OSBPL1A: variants seen among roughly 807,000 people sequenced by gnomAD.
OSBPL1A encodes the protein oxysterol-binding protein-related protein 1.
OSBPL1A carries 80 observed loss-of-function variants against 137.1 expected under a neutral mutation model. The observed-to-expected ratio is 0.58, with a 90% CI of 0.49 to 0.70. The LOEUF is 0.70. Among genes scored for constraint, OSBPL1A ranks in the 30% least tolerant of loss-of-function variants. The probability of loss-of-function intolerance (pLI) is 0.00; values close to 1 mark genes in which losing one functional copy is unlikely to be tolerated. For synonymous variants in OSBPL1A, 365 were observed against 389.7 expected (o/e 0.94, Z 0.75); for missense variants, 970 against 1,129.4 (o/e 0.86, Z 2.02).
intron 15 of OSBPL1A, among the ~76,000 whole-genome samples, chr18:24,274,642 T>A (rs1022583022): frequency 6.6e-6 from 1 of 152,180 alleles, no homozygotes; most frequent in Admixed American, 6.5e-5. Flanking sequence ...GCGTGGTGGC[T>A]GAAGCCTGTA....
intron 15 of OSBPL1A, among the ~76,000 whole-genome samples, chr18:24,255,543 T>C (rs1323860242): frequency 1.3e-5 from 2 of 152,026 alleles, no homozygotes; most frequent in African/African-American, 4.8e-5. Context: ...ATGAAACCAT[T>C]TGTCTCTTAT....
At chr18:24,223,643 T>C (rs1407236072) in intron 17 of OSBPL1A, among the ~76,000 whole-genome samples, 1 of 152,276 alleles carries the variant, frequency 6.6e-6, no homozygotes, top group East Asian at 1.9e-4. Flanking sequence ...TGTATGAATA[T>C]GGTATAATAT....
intron 11 of OSBPL1A, among the ~76,000 whole-genome samples, chr18:24,316,299 C>A (rs995370316): frequency 6.6e-6 from 1 of 151,838 alleles, no homozygotes; most frequent in Non-Finnish European, 1.5e-5. Flanking sequence ...ACCAAACCCA[C>A]AATTACCTGA....
At chr18:24,179,345 A>C (rs1305479497) in intron 20 of OSBPL1A, 1 of 164,922 alleles carries the variant, frequency 6.1e-6, no homozygotes, top group African/African-American at 2.4e-5. Flanking sequence ...AGGTTAAATG[A>C]CGAGTTAATG....
At chr18:24,267,075 A>C (rs929718656) in intron 15 of OSBPL1A, among the ~76,000 whole-genome samples, 6 of 151,792 alleles carry the variant, frequency 4.0e-5, no homozygotes, top group Non-Finnish European at 8.8e-5. Context: ...ATTTATTTGG[A>C]GATATCCAAG....
Position 24,317,401 on chromosome 18 carries a change from C to G in OSBPL1A, c.733-1G>C. The G allele has an allele frequency of 6.2e-7, 1 of 1,612,116 alleles. No homozygotes were observed. Among genetic ancestry groups the G allele is most frequent in the Non-Finnish European group, 8.5e-7 (1 of 1,178,490 alleles). ...ATCTCCAGCCAAAAAATCTTGAACTCTAAGGGAAAAATAACAAAGATTTCC... is the reference window on the plus strand; with the variant it reads ...ATCTCCAGCCAAAAAATCTTGAACTGTAAGGGAAAAATAACAAAGATTTCC... On this transcript the variant is annotated splice_acceptor_variant, in intron 9 of 27. Coordinates refer to ENST00000319481, the MANE Select transcript of OSBPL1A (RefSeq NM_080597.4). LOFTEE classifies it high-confidence loss of function.
chr18:24,164,710 G>C (rs1444821729), intron 27 of OSBPL1A, among the ~76,000 whole-genome samples: 1 of 152,036 alleles, frequency 6.6e-6, no homozygotes, highest in East Asian at 1.9e-4. Flanking sequence ...TTACAGACGT[G>C]AGCCACTGCA....
At chr18:24,207,142 G>A (rs186321358) in intron 17 of OSBPL1A, among the ~76,000 whole-genome samples, 2 of 152,312 alleles carry the variant, frequency 1.3e-5, no homozygotes, top group East Asian at 1.9e-4. Flanking sequence ...GGAGTGCAGC[G>A]GTGCGATCTT....
At chr18:24,229,219 A>G (rs2088190063) in intron 16 of OSBPL1A, among the ~76,000 whole-genome samples, 1 of 152,292 alleles carries the variant, frequency 6.6e-6, no homozygotes, top group Admixed American at 6.5e-5. Flanking sequence ...AAAGGTAGGT[A>G]GCGGGAAGAA....
intron 4 of OSBPL1A, among the ~76,000 whole-genome samples, chr18:24,347,149 T>C (rs2091360012): frequency 6.6e-6 from 1 of 152,120 alleles, no homozygotes; most frequent in South Asian, 2.1e-4. Context: ...TCAACAGAAA[T>C]ACCACATGAA....
chr18:24,389,568 T>C (rs1568071590), intron 1 of OSBPL1A, among the ~76,000 whole-genome samples: 1 of 152,204 alleles, frequency 6.6e-6, no homozygotes, highest in Non-Finnish European at 1.5e-5. Context: ...CCAAGGGCGA[T>C]GACTTGTTAA....
intron 2 of OSBPL1A, among the ~76,000 whole-genome samples, chr18:24,369,738 T>C (rs1005095240): frequency 6.6e-6 from 1 of 152,228 alleles, no homozygotes; most frequent in Non-Finnish European, 1.5e-5. Context: ...GTGTGTGTCC[T>C]GTGGAACCCC....
chr18:24,338,666 G>A (rs2091222781), intron 5 of OSBPL1A, among the ~76,000 whole-genome samples: 2 of 151,960 alleles, frequency 1.3e-5, no homozygotes, highest in African/African-American at 2.4e-5. Flanking sequence ...CTCTTTCTAG[G>A]GTAAAACATT....
intron 4 of OSBPL1A, among the ~76,000 whole-genome samples, chr18:24,348,350 G>A (rs993933866): frequency 1.3e-5 from 2 of 152,010 alleles, no homozygotes; most frequent in African/African-American, 4.8e-5. Flanking sequence ...CTGTTCTAAA[G>A]TTTTACTTTT....
intron 12 of OSBPL1A, among the ~76,000 whole-genome samples, chr18:24,313,477 G>A (rs537530183): frequency 2.0e-5 from 3 of 151,678 alleles, no homozygotes; most frequent in Non-Finnish European, 2.9e-5. Context: ...CATAAGTATT[G>A]GTCAAGTAAA....
At chr18:24,192,425 G>A (rs534656767) in intron 18 of OSBPL1A, among the ~76,000 whole-genome samples, 2 of 152,268 alleles carry the variant, frequency 1.3e-5, no homozygotes, top group South Asian at 2.1e-4. Context: ...CTCAGGAGCC[G>A]GAGATTTGTT....
At chr18:24,376,524 G>C (rs1397445678) in intron 2 of OSBPL1A, among the ~76,000 whole-genome samples, 1 of 152,262 alleles carries the variant, frequency 6.6e-6, no homozygotes, top group Non-Finnish European at 1.5e-5. Flanking sequence ...TCACCCAGTG[G>C]ATCCCGCACT....
intron 4 of OSBPL1A, among the ~76,000 whole-genome samples, chr18:24,356,447 A>C (rs960376445): frequency 6.6e-6 from 1 of 152,102 alleles, no homozygotes; most frequent in African/African-American, 2.4e-5. Context: ...ACACCAAGAG[A>C]TCCAAAATGT....
intron 17 of OSBPL1A, among the ~76,000 whole-genome samples, chr18:24,215,618 C>G (rs927126173): frequency 6.6e-6 from 1 of 152,086 alleles, no homozygotes; most frequent in Non-Finnish European, 1.5e-5. Context: ...CAAAGAACTC[C>G]GTGTCCCCTG....
Sources: allele counts gnomAD v4.1 joint callset (sites outside exome capture counted in the v4.1 genomes callset), GRCh38; gene constraint gnomAD v4.1.1; transcripts MANE v1.5; gene names NCBI Gene and HGNC (gene_info 2026-07-23, HGNC 2026-07-21).